The following IL1RAPL1 variants were observed in gnomAD, a reference collection of about 807,000 sequenced individuals.
IL1RAPL1 encodes the protein interleukin 1 receptor accessory protein like 1.
A neutral mutation model predicts 48.4 loss-of-function variants in IL1RAPL1; 3 were observed. That is an observed-to-expected ratio of 0.06 (90% CI 0.03 to 0.16). IL1RAPL1 has a LOEUF of 0.16. Ranked by LOEUF, IL1RAPL1 falls within the 10% of genes least tolerant of loss-of-function variation. The pLI is 1.00. For synonymous variants in IL1RAPL1, 185 were observed against 187.7 expected, an observed-to-expected ratio of 0.99 and a Z score of 0.12; for missense variants, 349 against 530.6, an observed-to-expected ratio of 0.66 and a Z score of 3.36.
chrX:28,966,906 G>A (rs1924934578), intron 2 of IL1RAPL1, among the ~76,000 whole-genome samples: 1 of 111,900 alleles, frequency 8.9e-6, no homozygotes, highest in Non-Finnish European at 1.9e-5. Flanking sequence ...AGAGACTAGA[G>A]CTTGTTGGAA....
rs113913279 is a variant in IL1RAPL1, at chrX:28,947,984, A to G, written c.82+158559A>G. Among the ~76,000 whole-genome samples the G allele has an allele frequency of 1.7e-3, 185 of 111,065 alleles. 1 individual carries two copies. The highest frequency in any genetic ancestry group is 9.4e-3 in the Middle Eastern group (2 of 212). On this transcript the variant is annotated intron_variant, in intron 2 of 10. Transcript: ENST00000378993. The stretch of plus-strand genomic sequence containing the variant: ...TGGCTGAAACATTAAAGAGGCTATT[A>G]ATGTTTCTTCCAACACTCTGCTTAT...
chrX:29,115,314 T>C (rs1353864099), intron 2 of IL1RAPL1, among the ~76,000 whole-genome samples: 1 of 111,490 alleles, frequency 9.0e-6, no homozygotes, highest in East Asian at 2.8e-4. Flanking sequence ...AAATCAGGCT[T>C]GTTGATTGGG....
rs754631252 is a variant in IL1RAPL1 at position 28,946,347 on chromosome X, GTAT to G, written c.82+156924_82+156926del. Among the ~76,000 whole-genome samples the G allele has an allele frequency of 1.5e-4, 16 of 109,769 alleles. No homozygotes were observed. The East Asian group carries it at 4.6e-3, about 31-fold the overall frequency. On this transcript the variant is annotated intron_variant, in intron 2 of 10. Transcript: ENST00000378993. ...TTTGTAGGGGAAAGCAATAGGGGTA[GTAT>G]TTTAAAGTAAGGCCTCTGAAAATGA...
intron 5 of IL1RAPL1, among the ~76,000 whole-genome samples, chrX:29,493,917 CAG>C (rs1228496296): frequency 9.0e-6 from 1 of 110,947 alleles, no homozygotes; most frequent in Non-Finnish European, 1.9e-5. Flanking sequence ...TTTTTTGAAA[CAG>C]AGTCTCGCTC....
chrX:29,579,862 G>A (rs1430698503), intron 5 of IL1RAPL1, among the ~76,000 whole-genome samples: 2 of 111,786 alleles, frequency 1.8e-5, no homozygotes, highest in Non-Finnish European at 3.8e-5. Flanking sequence ...CAGTGGCACT[G>A]AGACATTATC....
chrX:28,652,932 G>C (rs947710293), intron 1 of IL1RAPL1, among the ~76,000 whole-genome samples: 1 of 110,582 alleles, frequency 9.0e-6, no homozygotes, highest in Non-Finnish European at 1.9e-5. Flanking sequence ...GTGAATTTTT[G>C]TTCCAGATAG....
In IL1RAPL1 at chrX:29,644,622, C is replaced by T. The variant is rs150876384; in HGVS notation, c.704-23808C>T. 6.2e-3 allele frequency among the ~76,000 whole-genome samples: 685 copies of T among 110,130 alleles called. 2 individuals are homozygous for T. The highest frequency in any genetic ancestry group is 0.022 in the African/African-American group (658 of 30,304). On this transcript the variant is annotated intron_variant, in intron 5 of 10. Coordinates refer to ENST00000378993, the MANE Select transcript of IL1RAPL1 (RefSeq NM_014271.4). The stretch of plus-strand genomic sequence containing the variant: ...CACTCTGTCAACCAGGCTGGAGTGC[C>T]GTGGCATGATCTCGGTTCACTGCAA...
At chrX:29,225,374 G>T (rs1238050085) in intron 2 of IL1RAPL1, among the ~76,000 whole-genome samples, 1 of 111,887 alleles carries the variant, frequency 8.9e-6, no homozygotes, top group African/African-American at 3.3e-5. Context: ...TTAAGTACCA[G>T]CAGAGAGTGA....
Position 28,789,436 on chromosome X carries a change from T to G in IL1RAPL1, c.82+11T>G, listed in dbSNP as rs748963007. The G allele has an allele frequency of 2.6e-6, 3 of 1,149,872 alleles. No individual in the cohort carries two copies. The highest frequency in any genetic ancestry group is 3.6e-6 in the Non-Finnish European group (3 of 839,210). 94.8% of individuals were successfully genotyped at this position (1,149,872 alleles called of 1,213,427 possible). ...CCAAAAGAGGCTCCGGTAAGCAGTA[T>G]TCCTCTATTTTTTATGTGTTTTTAT... On this transcript the variant is annotated intron_variant, in intron 2 of 10. Transcript: ENST00000378993.
chrX:28,927,728 C>T (rs1923783130), intron 2 of IL1RAPL1, among the ~76,000 whole-genome samples: 1 of 109,754 alleles, frequency 9.1e-6, no homozygotes, highest in Non-Finnish European at 1.9e-5. Context: ...CAGAATTTGG[C>T]ACAGTTGACT....
intron 2 of IL1RAPL1, among the ~76,000 whole-genome samples, chrX:29,014,223 A>T (rs886285449): frequency 6.2e-5 from 7 of 112,113 alleles, no homozygotes; most frequent in Non-Finnish European, 1.1e-4. Context: ...AATCTTAAAA[A>T]GTCTTTAAAG....
chrX:28,615,509 T>C (rs948981907), intron 1 of IL1RAPL1, among the ~76,000 whole-genome samples: 2 of 110,287 alleles, frequency 1.8e-5, no homozygotes, highest in Non-Finnish European at 3.8e-5. Flanking sequence ...TTTTGAAACA[T>C]AGCCCTATAA....
chrX:28,972,448 T>G (rs1457852157), intron 2 of IL1RAPL1, among the ~76,000 whole-genome samples: 1 of 111,659 alleles, frequency 9.0e-6, no homozygotes, highest in Admixed American at 9.5e-5. Context: ...ATTCAAAACA[T>G]GTGCTGTGGG....
chrX:29,920,794 C>CAA (rs1176529100), intron 8 of IL1RAPL1, among the ~76,000 whole-genome samples: 130 of 31,470 alleles, frequency 4.1e-3, no homozygotes, highest in Middle Eastern at 0.024. Context: ...GACCCTGTCT[C>CAA]AAAAAAAAAA....
chrX:28,867,585 G>A (rs1225428952), intron 2 of IL1RAPL1, among the ~76,000 whole-genome samples: 3 of 111,751 alleles, frequency 2.7e-5, no homozygotes, highest in Non-Finnish European at 3.8e-5. Flanking sequence ...TTTCAGAAGC[G>A]GGTTGCTAAA....
intron 5 of IL1RAPL1, among the ~76,000 whole-genome samples, chrX:29,569,734 G>A (rs764455440): frequency 2.7e-5 from 3 of 111,451 alleles, no homozygotes; most frequent in African/African-American, 6.5e-5. Flanking sequence ...ACTTATGGTC[G>A]CGTTAAAATG....
intron 2 of IL1RAPL1, among the ~76,000 whole-genome samples, chrX:28,963,215 G>A (rs189600900): frequency 1.8e-5 from 2 of 110,972 alleles, no homozygotes; most frequent in East Asian, 5.7e-4. Context: ...ATGACAATTT[G>A]GATTTTTATT....
At chrX:28,710,739 TATC>T (rs904674980) in intron 1 of IL1RAPL1, among the ~76,000 whole-genome samples, 8 of 112,351 alleles carry the variant, frequency 7.1e-5, no homozygotes, top group South Asian at 3.6e-4. Flanking sequence ...ATATTCAAAA[TATC>T]ATCATTTTAA....
intron 6 of IL1RAPL1, among the ~76,000 whole-genome samples, chrX:29,845,554 A>T (rs143810937): frequency 8.9e-6 from 1 of 112,104 alleles, no homozygotes; most frequent in Admixed American, 9.5e-5. Context: ...AACACAAAAC[A>T]TGAAGGTTGA....
Sources: allele counts gnomAD v4.1 joint callset (sites outside exome capture counted in the v4.1 genomes callset), GRCh38; gene constraint gnomAD v4.1.1; transcripts MANE v1.5; gene names NCBI Gene and HGNC (gene_info 2026-07-23, HGNC 2026-07-21).